The following DNAJC2 variants were observed in gnomAD, a reference collection of about 807,000 sequenced individuals.
The protein encoded by DNAJC2 is dnaJ homolog subfamily C member 2.
Under a neutral mutation model 94.0 loss-of-function variants are expected in DNAJC2, and 32 were observed. That is an observed-to-expected ratio of 0.34 (90% CI 0.26 to 0.46). DNAJC2 has a LOEUF of 0.46. Among genes scored for constraint, DNAJC2 ranks in the 20% least tolerant of loss-of-function variants. DNAJC2 has a pLI of 1.00. For synonymous variants in DNAJC2, 210 were observed against 229.7 expected (o/e 0.91, Z 0.77); for missense variants, 550 against 719.5 (o/e 0.76, Z 2.69).
rs758284049 is a variant in DNAJC2, at chr7:103,316,103, T to A, written c.1428-15A>T. On this transcript the variant is annotated splice_polypyrimidine_tract_variant and intron_variant, in intron 13 of 16. Coordinates refer to ENST00000379263, the MANE Select transcript of DNAJC2 (RefSeq NM_014377.3). ...TAACTTCCCATCTGATAGGATATAT[T>A]ATACAATAATATGAATAGTAGTAAG... The A allele has an allele frequency of 6.8e-7, 1 of 1,469,830 alleles. No individual in the cohort carries two copies. Among genetic ancestry groups the A allele is most frequent in the African/African-American group, 1.4e-5 (1 of 70,310 alleles). The allele number at this position is 1,469,830 out of a possible 1,614,324, so 91.0% of individuals were successfully genotyped here. A position where few individuals can be genotyped will look rare whatever the true frequency, so the allele number is the denominator to read the frequency against.
chr7:103,316,999 C>T lies in DNAJC2; in HGVS notation c.1258G>A (p.Glu420Lys). 6.2e-7 allele frequency: 1 copy of T among 1,613,216 alleles called. No homozygotes were observed. Among genetic ancestry groups the T allele is most frequent in the Non-Finnish European group, 8.5e-7 (1 of 1,179,876 alleles). Residue 420 changes from glutamate to lysine, a missense_variant, in exon 13 of 17, where the codon GAG becomes AAG. Glu to Lys is a moderately conservative substitution (Grantham distance 56). Around this residue, in one of 2 missense-constraint regions of DNAJC2, gnomAD observed 271 missense variants for 302.6 expected, o/e 0.90. Transcript: ENST00000379263. ...TCCTCTTTCTCTTTTCTGATTTGCT[C>T]ATTTATTTCTTCTATCTGCACAAAT... ...ALEKQIEEIN[E>K]QIRKEKEEAE...
At chr7:103,342,522 C>A (rs1819413353) in intron 1 of DNAJC2, among the ~76,000 whole-genome samples, 1 of 151,740 alleles carries the variant, frequency 6.6e-6, no homozygotes, top group South Asian at 2.1e-4. Flanking sequence ...TCAGCCTGGT[C>A]TCGAACTCCC....
At chr7:103,327,880 A>G in intron 3 of DNAJC2, 126 bp from the exon 4 acceptor site, 1 of 566,208 alleles carries the variant, frequency 1.8e-6, no homozygotes, top group African/African-American at 1.9e-5. Flanking sequence ...AGTAAAATAT[A>G]TGCTTATTCA....
chr7:103,341,262 T>C (rs767266035), intron 2 of DNAJC2, among the ~76,000 whole-genome samples: 17 of 152,218 alleles, frequency 1.1e-4, no homozygotes, highest in Non-Finnish European at 2.5e-4. Context: ...TAAAATTAGC[T>C]AAGAAACTTT....
intron 7 of DNAJC2, among the ~76,000 whole-genome samples, chr7:103,323,167 T>C (rs1261830607): frequency 1.3e-5 from 2 of 152,166 alleles, no homozygotes; most frequent in Non-Finnish European, 2.9e-5. Context: ...TGACCTCAGG[T>C]GATCTGCCCG....
In DNAJC2 at chr7:103,324,225, C is replaced by G. The variant is rs549523505; in HGVS notation, c.653+257G>C. 2.0e-5 allele frequency among the ~76,000 whole-genome samples: 3 copies of G among 152,194 alleles called. No individual in the cohort carries two copies. In the East Asian group the frequency reaches 5.8e-4, roughly 29 times the overall value. On this transcript the variant is annotated intron_variant, in intron 6 of 16. Transcript: ENST00000379263. Reference sequence around the variant, plus strand: ...CTCAAGTACTTTTAGTAGGAAGTAACTAAATAAAAATGTACTTATTTTTAT... The same window carrying G: ...CTCAAGTACTTTTAGTAGGAAGTAAGTAAATAAAAATGTACTTATTTTTAT...
rs771698012 is a variant in DNAJC2 at position 103,312,291 on chromosome 7, G to A, written c.*278C>T. ...GATTAAAATGCTCCTAATCAAGATT[G>A]TTTGAACACATGTATTTATAAAACA... On this transcript the variant is annotated 3_prime_UTR_variant, in exon 17 of 17. Transcript: ENST00000379263. The A allele has an allele frequency of 6.2e-7, 1 of 1,607,286 alleles. No homozygotes were observed. The highest frequency in any genetic ancestry group is 8.5e-7 in the Non-Finnish European group (1 of 1,179,780).
At chr7:103,335,053 C>T (rs1231122362) in intron 3 of DNAJC2, among the ~76,000 whole-genome samples, 2 of 151,968 alleles carry the variant, frequency 1.3e-5, no homozygotes, top group South Asian at 2.1e-4. Flanking sequence ...AGGCTGGTCT[C>T]GAACTCCTGA....
chr7:103,324,617 TCAA>T lies in DNAJC2; in HGVS notation c.573-58_573-56del, dbSNP rs1318099974. 6 of 1,299,674 alleles carry T rather than the reference TCAA, an allele frequency of 4.6e-6. No individual in the cohort carries two copies. The East Asian group carries it at 1.4e-4, about 30-fold the overall frequency. 80.5% of individuals were successfully genotyped at this position (1,299,674 alleles called of 1,614,324 possible). ...TTCTTCAAAAATTATGTACAACAGT[TCAA>T]CAAACAATTTAATTTATTAAAAACA... On this transcript the variant is annotated intron_variant, in intron 5 of 16. Coordinates refer to ENST00000379263, the MANE Select transcript of DNAJC2 (RefSeq NM_014377.3).
At position 103,344,690 on chromosome 7, in the gene DNAJC2, C is replaced by G; in HGVS notation, c.-68G>C. 1 of 1,533,814 alleles carries G rather than the reference C, an allele frequency of 6.5e-7. No homozygotes were observed. The highest frequency in any genetic ancestry group is 8.9e-7 in the Non-Finnish European group (1 of 1,122,000). On this transcript the variant is annotated 5_prime_UTR_variant, in exon 1 of 17. Coordinates refer to ENST00000379263, the MANE Select transcript of DNAJC2 (RefSeq NM_014377.3). The stretch of plus-strand genomic sequence containing the variant: ...CCGGGCGGAGGGCGCTTAGGGTCCC[C>G]TCCAGCTCTACCTCTCACTCCGAGC...
At chr7:103,322,447 A>C in intron 9 of DNAJC2, 64 bp downstream of exon 9, 1 of 1,361,880 alleles carries the variant, frequency 7.3e-7, no homozygotes, top group Non-Finnish European at 9.9e-7. Context: ...AGATGTGAAG[A>C]TTAAAGTGAA....
intron 3 of DNAJC2, among the ~76,000 whole-genome samples, chr7:103,334,585 G>A (rs1389647386): frequency 1.4e-5 from 2 of 143,560 alleles, no homozygotes; most frequent in African/African-American, 2.6e-5. Flanking sequence ...AAAAAAAAAA[G>A]AAAAGAAATC....
In DNAJC2 at chr7:103,344,369, A is replaced by G. The variant is rs1056559389; in HGVS notation, c.64+190T>C. 8 of 617,188 alleles carry G rather than the reference A, an allele frequency of 1.3e-5. No homozygotes were observed. The African/African-American group carries it at 1.3e-4, about 10-fold the overall frequency. The allele number at this position is 617,188 out of a possible 1,614,324, so 38.2% of individuals were successfully genotyped here. On this transcript the variant is annotated intron_variant, in intron 1 of 16. Coordinates refer to ENST00000379263, the MANE Select transcript of DNAJC2 (RefSeq NM_014377.3). Reference sequence around the variant, plus strand: ...TAGGAGCAAAAGGAAGGCACCCCTCACCCTCCTTCCTTCTAATCTAGGGTA... The same window carrying G: ...TAGGAGCAAAAGGAAGGCACCCCTCGCCCTCCTTCCTTCTAATCTAGGGTA...
intron 3 of DNAJC2, chr7:103,328,908 T>A: frequency 1.3e-6 from 1 of 791,426 alleles, no homozygotes; most frequent in Non-Finnish European, 1.8e-6. Context: ...TGTTTTTCCT[T>A]ATTTAGGATT....
rs901487579 is a variant in DNAJC2, at chr7:103,326,469, AAG to A, written c.572+72_572+73del. 44 of 1,435,420 alleles carry A rather than the reference AAG, an allele frequency of 3.1e-5. No individual in the cohort carries two copies. In the African/African-American group the frequency reaches 4.1e-4, roughly 14 times the overall value. 88.9% of individuals were successfully genotyped at this position (1,435,420 alleles called of 1,614,324 possible). A position where few individuals can be genotyped will look rare whatever the true frequency, so the allele number is the denominator to read the frequency against. On this transcript the variant is annotated intron_variant, in intron 5 of 16. Coordinates refer to ENST00000379263, the MANE Select transcript of DNAJC2 (RefSeq NM_014377.3). Reference sequence around the variant, plus strand: ...ATAAATGAAACTATTATCAGAGGGAAAGAGCAGAAACCTGGAAGACTACAATA... The same window carrying A: ...ATAAATGAAACTATTATCAGAGGGAAAGCAGAAACCTGGAAGACTACAATA...
intron 10 of DNAJC2, 74 bp from the exon 11 acceptor site, chr7:103,319,918 C>A (rs1423173999): frequency 1.3e-6 from 2 of 1,508,606 alleles, no homozygotes; most frequent in South Asian, 1.1e-5. Flanking sequence ...AGCTGTAATC[C>A]CAGCTACTCG....
intron 3 of DNAJC2, among the ~76,000 whole-genome samples, chr7:103,334,378 G>A (rs1167666329): frequency 6.6e-6 from 1 of 151,508 alleles, no homozygotes; most frequent in Non-Finnish European, 1.5e-5. Context: ...CCTGGTCAAC[G>A]TGGTGAAACC....
chr7:103,312,698 T>TA, intron 16 of DNAJC2, 55 bp from the exon 17 acceptor site: 1 of 1,601,190 alleles, frequency 6.2e-7, no homozygotes, highest in Non-Finnish European at 8.5e-7. Flanking sequence ...ACAGACATTT[T>TA]AATCTAGTGT....
At position 103,326,738 on chromosome 7, in the gene DNAJC2, G is replaced by T. The variant is rs570301578; in HGVS notation, c.431-54C>A. 5.5e-5 allele frequency: 83 copies of T among 1,511,330 alleles called. 2 individuals carry two copies. In the South Asian group the frequency reaches 1.0e-3, roughly 19 times the overall value. 93.6% of individuals were successfully genotyped at this position (1,511,330 alleles called of 1,614,324 possible). On this transcript the variant is annotated intron_variant, in intron 4 of 16. Coordinates refer to ENST00000379263, the MANE Select transcript of DNAJC2 (RefSeq NM_014377.3). ...ACCATAACTTTACCTATTTTTTCCT[G>T]CAAGAAAACAAGTATTTCCCTCCTT...
Sources: gnomAD v4.1 joint callset for allele counts (sites outside exome capture counted in the v4.1 genomes callset) on GRCh38, gnomAD v4.1.1 for gene constraint, gnomAD v4.1.1 regional missense constraint, MANE v1.5 for transcripts, NCBI Gene and HGNC (gene_info 2026-07-23, HGNC 2026-07-21) for gene names.